DTWD2: variants seen among roughly 807,000 people sequenced by gnomAD.
The protein encoded by DTWD2 is DTW motif tRNA-uridine aminocarboxypropyltransferase 2.
Under a neutral mutation model 31.8 loss-of-function variants are expected in DTWD2, and 39 were observed. The observed-to-expected ratio is 1.22, with a 90% confidence interval of 0.95 to 1.60. The LOEUF (loss-of-function observed/expected upper bound fraction) is 1.60. DTWD2 is among the 40% of genes most tolerant of loss of function. DTWD2 has a pLI of 0.00. For missense variants in DTWD2, 515 were observed against 381.5 expected, an observed-to-expected ratio of 1.35 and a Z score of -2.92; for synonymous variants, 180 against 142.8, an observed-to-expected ratio of 1.26 and a Z score of -1.86.
intron 1 of DTWD2, among the ~76,000 whole-genome samples, chr5:118,985,488 TTTTATATATA>T (rs1561483102): frequency 1.5e-4 from 4 of 27,146 alleles, no homozygotes; most frequent in African/African-American, 2.7e-4. Flanking sequence ...TTATGTGCAT[TTTTATATATA>T]TATATATATA....
chr5:118,932,512 T>C (rs1753948880), intron 3 of DTWD2, among the ~76,000 whole-genome samples: 1 of 152,180 alleles, frequency 6.6e-6, no homozygotes, highest in South Asian at 2.1e-4. Context: ...AAAATTCATA[T>C]GTTGAAGTCC....
intron 4 of DTWD2, among the ~76,000 whole-genome samples, chr5:118,879,945 A>G (rs992039265): frequency 6.6e-6 from 1 of 152,214 alleles, no homozygotes; most frequent in Non-Finnish European, 1.5e-5. Flanking sequence ...ATGTACCCCT[A>G]AACTTAAAAT....
intron 4 of DTWD2, among the ~76,000 whole-genome samples, chr5:118,899,897 G>T (rs902276062): frequency 1.3e-5 from 2 of 151,132 alleles, no homozygotes; most frequent in African/African-American, 4.9e-5. Flanking sequence ...CGCCTCTCGG[G>T]TTCAAGCGAT....
At chr5:118,851,811 C>T (rs373929849) in intron 4 of DTWD2, among the ~76,000 whole-genome samples, 160 of 148,364 alleles carry the variant, frequency 1.1e-3, no homozygotes, top group Non-Finnish European at 1.8e-3. Context: ...GCACATTGTG[C>T]ACATGTACCC....
intron 5 of DTWD2, among the ~76,000 whole-genome samples, chr5:118,844,714 T>C (rs959837942): frequency 6.6e-6 from 1 of 152,238 alleles, no homozygotes; most frequent in African/African-American, 2.4e-5. Flanking sequence ...TAGCCATGCT[T>C]TCAGGTGCTT....
At chr5:118,929,479 C>T (rs900245775) in intron 3 of DTWD2, among the ~76,000 whole-genome samples, 1 of 149,262 alleles carries the variant, frequency 6.7e-6, no homozygotes, top group Admixed American at 6.7e-5. Flanking sequence ...GATTTCTGTA[C>T]GTCACTTCCC....
At chr5:118,939,359 T>G in intron 2 of DTWD2, 69 bp from the exon 3 acceptor site, 1 of 1,271,442 alleles carries the variant, frequency 7.9e-7, no homozygotes, top group East Asian at 2.8e-5. Context: ...TATTTTATAA[T>G]GAACATCTGA....
chr5:118,974,718 T>C (rs749267850), intron 1 of DTWD2: 2 of 498,486 alleles, frequency 4.0e-6, no homozygotes, highest in East Asian at 1.1e-4. Flanking sequence ...TCTATGAAGT[T>C]GCTGTTTATT....
intron 4 of DTWD2, among the ~76,000 whole-genome samples, chr5:118,880,081 A>C (rs1036729381): frequency 3.0e-4 from 45 of 152,232 alleles, no homozygotes; most frequent in Non-Finnish European, 5.9e-4. Flanking sequence ...GAAGAATTAT[A>C]TTTTGACAGT....
intron 4 of DTWD2, among the ~76,000 whole-genome samples, chr5:118,893,568 T>C (rs1255202874): frequency 6.6e-6 from 1 of 152,062 alleles, no homozygotes; most frequent in Non-Finnish European, 1.5e-5. Flanking sequence ...AGTTTTTCAA[T>C]TTTTGTAGAT....
chr5:118,944,390 A>C, intron 2 of DTWD2, among the ~76,000 whole-genome samples, 169 bp downstream of exon 2: 1 of 152,248 alleles, frequency 6.6e-6, no homozygotes, highest in East Asian at 1.9e-4. Context: ...AAGACTCTAT[A>C]CTATCAGTTG....
At chr5:118,846,846 T>C (rs1646517615) in intron 5 of DTWD2, among the ~76,000 whole-genome samples, 2 of 151,586 alleles carry the variant, frequency 1.3e-5, no homozygotes, top group Non-Finnish European at 2.9e-5. Context: ...TCTATGTTCC[T>C]TCATGAATTT....
At chr5:118,894,968 T>C (rs2149562241) in intron 4 of DTWD2, among the ~76,000 whole-genome samples, 1 of 152,174 alleles carries the variant, frequency 6.6e-6, no homozygotes, top group South Asian at 2.1e-4. Flanking sequence ...AAAGCACATT[T>C]ACACCACCGT....
chr5:118,851,210 C>T (rs1434010995), intron 4 of DTWD2, among the ~76,000 whole-genome samples: 5 of 143,594 alleles, frequency 3.5e-5, no homozygotes, highest in Non-Finnish European at 7.6e-5. Flanking sequence ...AAGAGTGAGA[C>T]CCTATCTCAA....
intron 1 of DTWD2, among the ~76,000 whole-genome samples, chr5:118,987,181 C>T (rs140344047): frequency 1.3e-4 from 20 of 152,278 alleles, no homozygotes; most frequent in African/African-American, 4.1e-4. Flanking sequence ...TTCCCCAACC[C>T]CCTCAGACGA....
At chr5:118,982,956 TGGGACTACA>T (rs2149604761) in intron 1 of DTWD2, among the ~76,000 whole-genome samples, 1 of 152,182 alleles carries the variant, frequency 6.6e-6, no homozygotes, top group East Asian at 1.9e-4. Context: ...CCCAAAGTGC[TGGGACTACA>T]GGCATGAGCC....
intron 4 of DTWD2, among the ~76,000 whole-genome samples, chr5:118,848,777 A>T (rs1751927275): frequency 1.3e-5 from 2 of 152,218 alleles, no homozygotes; most frequent in African/African-American, 4.8e-5. Flanking sequence ...CAATGGGGAA[A>T]GGATTCCCTA....
intron 4 of DTWD2, among the ~76,000 whole-genome samples, chr5:118,904,443 G>A (rs1753280975): frequency 6.6e-6 from 1 of 152,024 alleles, no homozygotes; most frequent in African/African-American, 2.4e-5. Flanking sequence ...ATATATGTAA[G>A]AATGGCACCA....
intron 3 of DTWD2, among the ~76,000 whole-genome samples, chr5:118,931,542 T>A (rs546702421): frequency 6.6e-6 from 1 of 151,928 alleles, no homozygotes; most frequent in Admixed American, 6.6e-5. Flanking sequence ...GACATAACAA[T>A]CTTTTAACAT....
Sources: gnomAD v4.1 joint callset for allele counts (sites outside exome capture counted in the v4.1 genomes callset) on GRCh38, gnomAD v4.1.1 for gene constraint, MANE v1.5 for transcripts, NCBI Gene and HGNC (gene_info 2026-07-23, HGNC 2026-07-21) for gene names.